Variants in ABCG1 observed in about 807,000 individuals in gnomAD.
ABCG1 encodes the protein ATP binding cassette subfamily G member 1.
A neutral mutation model predicts 69.2 loss-of-function variants in ABCG1; 29 were observed. The ratio of observed to expected loss-of-function variants is 0.42; its 90% CI spans 0.31 to 0.57. The LOEUF (loss-of-function observed/expected upper bound fraction) is 0.57, where lower values mean the gene tolerates loss of function less well. ABCG1 is among the 20% of genes least tolerant of loss of function. The pLI is 0.15. For missense variants in ABCG1, 718 were observed against 898.1 expected (o/e 0.80, Z 2.56); for synonymous variants, 370 against 374.8 (o/e 0.99, Z 0.15).
At chr21:42,242,219 A>G (rs573763069) in intron 2 of ABCG1, among the ~76,000 whole-genome samples, 1 of 152,344 alleles carries the variant, frequency 6.6e-6, no homozygotes, top group South Asian at 2.1e-4. Flanking sequence ...AGACTATACA[A>G]TGGGCCTGGC....
chr21:42,249,064 T>G (rs1288486607), intron 2 of ABCG1, among the ~76,000 whole-genome samples: 5 of 152,152 alleles, frequency 3.3e-5, no homozygotes, highest in Admixed American at 6.5e-5. Flanking sequence ...CTGGAACACA[T>G]GCAATGTGAT....
rs551491118 is a variant in ABCG1, at chr21:42,260,240, G to A, written c.287-10830G>A. 975 of 1,526,330 alleles carry A rather than the reference G, an allele frequency of 6.4e-4. 2 individuals are homozygous for A. Among genetic ancestry groups the A allele is most frequent in the South Asian group, 3.3e-3 (263 of 80,710 alleles). The allele number at this position is 1,526,330 out of a possible 1,614,324, so 94.5% of individuals were successfully genotyped here. ...TCAACCCTGCAGGTGGCATTGGGCGGCAAGCATTTCTAGGACCCAGCTTCC... is the reference window on the plus strand; with the variant it reads ...TCAACCCTGCAGGTGGCATTGGGCGACAAGCATTTCTAGGACCCAGCTTCC... On this transcript the variant is annotated intron_variant, in intron 2 of 14. Transcript: ENST00000398449.
chr21:42,270,239 G>A (rs537636859), intron 2 of ABCG1, among the ~76,000 whole-genome samples: 14 of 119,476 alleles, frequency 1.2e-4, no homozygotes, highest in Non-Finnish European at 1.4e-4. Flanking sequence ...TAGCATGGGC[G>A]ACAGAGCAAG....
chr21:42,294,682 T>C (rs1021142833), intron 14 of ABCG1, 22 bp downstream of exon 14: 2 of 1,602,668 alleles, frequency 1.2e-6, no homozygotes, highest in Non-Finnish European at 1.7e-6. Context: ...GGGGCACGCA[T>C]GGCGTGGGGA....
At chr21:42,256,297 CT>C (rs1569221750) in intron 2 of ABCG1, 2 of 1,527,980 alleles carry the variant, frequency 1.3e-6, no homozygotes, top group East Asian at 2.5e-5. Context: ...GGTCTTCCAA[CT>C]TTTGCCCGGA....
rs188061554 is a variant in ABCG1, at chr21:42,232,441, A to G, written c.286+6527A>G. 5.0e-3 allele frequency among the ~76,000 whole-genome samples: 768 copies of G among 152,270 alleles called. 2 individuals are homozygous for G. The highest frequency in any genetic ancestry group is 8.1e-3 in the Non-Finnish European group (549 of 68,000). On this transcript the variant is annotated intron_variant, in intron 2 of 14. Transcript: ENST00000398449. ...ACAAGGCTCAGATGGCTCTGCCAACATTGGCCTTGGGGTCTGCTTTTCTCT... is the reference window on the plus strand; with the variant it reads ...ACAAGGCTCAGATGGCTCTGCCAACGTTGGCCTTGGGGTCTGCTTTTCTCT...
chr21:42,211,465 CCTCT>C (rs2067588778), upstream of ABCG1, among the ~76,000 whole-genome samples: 6 of 152,260 alleles, frequency 3.9e-5, no homozygotes, highest in African/African-American at 7.2e-5. Context: ...CTCCTTCCTT[CCTCT>C]CTCTGTCTCT....
chr21:42,290,234 C>T lies in ABCG1; in HGVS notation c.1393+16C>T, dbSNP rs747368925. ...GTTCTGACATGTGAGTGACAGACCG[C>T]TGACCCCTTCTTCCTTATTTTCAAT... On this transcript the variant is annotated intron_variant, in intron 11 of 14. Transcript: ENST00000398449. 1.2e-6 allele frequency: 2 copies of T among 1,607,402 alleles called. No homozygotes were observed. Among genetic ancestry groups the T allele is most frequent in the Non-Finnish European group, 1.7e-6 (2 of 1,174,694 alleles).
In ABCG1 at chr21:42,285,948, G is replaced by A. The variant is rs1478172188; in HGVS notation, c.927G>A (p.Arg309=). Residue 309 remains arginine, a synonymous_variant, in exon 8 of 15, where the codon AGG becomes AGA. Transcript: ENST00000398449. The part of the protein sequence containing the change: ...GKVCNLVPYL[R]DLGLNCPTYH... ...TCTGCAATCTTGTGCCATATTTGAG[G>A]GATTTGGGTCTGAACTGCCCAACCT... The A allele has an allele frequency of 6.2e-7, 1 of 1,614,048 alleles. No homozygotes were observed. Among genetic ancestry groups the A allele is most frequent in the Non-Finnish European group, 8.5e-7 (1 of 1,179,994 alleles).
chr21:42,215,007 C>T (rs1226245228), upstream of ABCG1, among the ~76,000 whole-genome samples: 4 of 152,218 alleles, frequency 2.6e-5, no homozygotes, highest in South Asian at 2.1e-4. Context: ...CAGTGAAGCA[C>T]AAGGCAGCCG....
rs970896260 is a variant in ABCG1 at position 42,288,389 on chromosome 21, T to A, written c.1224+77T>A. 24 of 1,065,648 alleles carry A rather than the reference T, an allele frequency of 2.3e-5. No individual in the cohort carries two copies. Among genetic ancestry groups the A allele is most frequent in the Non-Finnish European group, 3.1e-5 (22 of 707,788 alleles). The allele number at this position is 1,065,648 out of a possible 1,614,324, so 66.0% of individuals were successfully genotyped here. On this transcript the variant is annotated intron_variant, in intron 10 of 14. Coordinates refer to ENST00000398449, the MANE Select transcript of ABCG1 (RefSeq NM_016818.3). The surrounding 1 kb of genome is among the most constrained non-coding windows in gnomAD (Gnocchi z 4.8). ...CTCAGACTCGTCCTGACGGAATGTG[T>A]TCGTTCATTCTCACATTGCTATAAA...
chr21:42,208,455 T>G (rs111958658), intron 2 of ABCG1, among the ~76,000 whole-genome samples: 3 of 152,328 alleles, frequency 2.0e-5, no homozygotes, highest in African/African-American at 7.2e-5. Flanking sequence ...GAGGGAGAAG[T>G]AGGGAAAAAT....
upstream of ABCG1, among the ~76,000 whole-genome samples, chr21:42,217,143 G>A (rs78862763): frequency 0.047 from 7,155 of 152,180 alleles, 548 homozygotes; most frequent in African/African-American, 0.16. Context: ...AGGCTGGATG[G>A]GGGCCATCCA....
intron 3 of ABCG1, among the ~76,000 whole-genome samples, chr21:42,271,860 G>A (rs2068624088): frequency 6.6e-6 from 1 of 152,120 alleles, no homozygotes; most frequent in African/African-American, 2.4e-5. Flanking sequence ...CTCCAGCCTG[G>A]GTGACAAGAG....
In ABCG1 at chr21:42,287,992, T is replaced by C. The variant is rs1324006427; in HGVS notation, c.1077T>C (p.Gly359=). ...CDSDHKRDLG[G]DAEVNPFLWH... ...CAGACCACAAGAGAGACCTCGGGGG[T>C]GATGCCGAGGTGAACCCTTTTCTTT... Residue 359 remains glycine, a synonymous_variant, in exon 9 of 15, where the codon GGT becomes GGC. Coordinates refer to ENST00000398449, the MANE Select transcript of ABCG1 (RefSeq NM_016818.3). This position sits in a 1 kb window ranked among gnomAD's most constrained non-coding sequence, Gnocchi z 6.2. 84 of 1,612,706 alleles carry C rather than the reference T, an allele frequency of 5.2e-5. No individual in the cohort carries two copies. The highest frequency in any genetic ancestry group is 6.4e-5 in the Non-Finnish European group (76 of 1,179,288).
intron 2 of ABCG1, among the ~76,000 whole-genome samples, chr21:42,245,733 T>C (rs2068122014): frequency 6.6e-6 from 1 of 152,190 alleles, no homozygotes. Flanking sequence ...TGGGGCTGTA[T>C]TTCCTTATCT....
At chr21:42,220,303 G>C (rs1235132606) in intron 1 of ABCG1, among the ~76,000 whole-genome samples, 1 of 152,276 alleles carries the variant, frequency 6.6e-6, no homozygotes, top group African/African-American at 2.4e-5. Context: ...ACAGTGCATG[G>C]CACGCTCCGG....
intron 2 of ABCG1, among the ~76,000 whole-genome samples, chr21:42,235,275 T>G (rs1223077156): frequency 6.6e-6 from 1 of 152,128 alleles, no homozygotes; most frequent in Non-Finnish European, 1.5e-5. Flanking sequence ...GCTCAAATGC[T>G]GGTGTGGTGT....
intron 2 of ABCG1, chr21:42,260,029 G>A (rs2068378560): frequency 2.6e-6 from 4 of 1,549,430 alleles, no homozygotes; most frequent in Non-Finnish European, 3.5e-6. Flanking sequence ...CAAGTCCAGG[G>A]AGGGCCCCAT....
Sources: allele counts gnomAD v4.1 joint callset (sites outside exome capture counted in the v4.1 genomes callset), GRCh38; gene constraint gnomAD v4.1.1; non-coding constraint Gnocchi (gnomAD v3.1); transcripts MANE v1.5; gene names NCBI Gene and HGNC (gene_info 2026-07-23, HGNC 2026-07-21).